Variants in ZNF536 observed in about 807,000 individuals in gnomAD.
The protein encoded by ZNF536 is zinc finger protein 536.
In ZNF536, 13 loss-of-function variants were observed where a neutral mutation model predicts 84.5. The ratio of observed to expected loss-of-function variants is 0.15; its 90% CI spans 0.10 to 0.24. ZNF536 has a LOEUF of 0.24. ZNF536 is among the 10% of genes least tolerant of loss of function. The pLI is 1.00. For synonymous variants in ZNF536, 811 were observed against 742.5 expected (o/e 1.09, Z -1.50); for missense variants, 1,536 against 1,747.5 (o/e 0.88, Z 2.16).
At chr19:30,344,040 G>A (rs1315676937) in intron 2 of ZNF536, among the ~76,000 whole-genome samples, 2 of 152,014 alleles carry the variant, frequency 1.3e-5, no homozygotes, top group East Asian at 3.9e-4. Flanking sequence ...GAGACCCAGG[G>A]AAGGTAGTTG....
At chr19:30,516,760 A>G (rs1340437271) in intron 2 of ZNF536, among the ~76,000 whole-genome samples, 1 of 152,190 alleles carries the variant, frequency 6.6e-6, no homozygotes, top group African/African-American at 2.4e-5. Flanking sequence ...TGTTCAGAAA[A>G]GGTTTAGAGA....
At chr19:30,258,783 T>C (rs1245635582) in intron 1 of ZNF536, among the ~76,000 whole-genome samples, 2 of 152,000 alleles carry the variant, frequency 1.3e-5, no homozygotes, top group Non-Finnish European at 2.9e-5. Flanking sequence ...AGTGGCATGA[T>C]CTCCGTTCAC....
chr19:30,646,875 T>G (rs925291365), intron 1 of ZNF536, among the ~76,000 whole-genome samples: 7 of 152,176 alleles, frequency 4.6e-5, no homozygotes, highest in African/African-American at 1.7e-4. Flanking sequence ...AAAAAATTAA[T>G]TAAAAAAACT....
intron 1 of ZNF536, among the ~76,000 whole-genome samples, chr19:30,262,911 T>C (rs2025302963): frequency 6.6e-6 from 1 of 152,154 alleles, no homozygotes; most frequent in South Asian, 2.1e-4. Context: ...GCAACATGAA[T>C]GGAGAGCCAA....
intron 2 of ZNF536, among the ~76,000 whole-genome samples, chr19:30,294,514 C>A (rs1212281836): frequency 6.6e-6 from 1 of 151,550 alleles, no homozygotes; most frequent in African/African-American, 2.4e-5. Context: ...GGGAATCATT[C>A]ACCAAATTTC....
chr19:30,671,495 C>T (rs1413026347), intron 1 of ZNF536, among the ~76,000 whole-genome samples: 1 of 152,092 alleles, frequency 6.6e-6, no homozygotes, highest in African/African-American at 2.4e-5. Context: ...GCGGCTTCAT[C>T]CAAGTGACTC....
intron 2 of ZNF536, among the ~76,000 whole-genome samples, chr19:30,515,278 T>C (rs12462361): frequency 0.097 from 14,758 of 152,020 alleles, 985 homozygotes; most frequent in Non-Finnish European, 0.15. Context: ...TAACCCAAAA[T>C]ATAACAACAA....
intron 1 of ZNF536, among the ~76,000 whole-genome samples, chr19:30,265,335 G>T (rs893968427): frequency 6.6e-6 from 1 of 152,074 alleles, no homozygotes; most frequent in Non-Finnish European, 1.5e-5. Context: ...CTTAGAAGCC[G>T]CCTGATTTCT....
Position 30,420,769 on chromosome 19 carries a change from C to T in ZNF536, c.-2-22792C>T, listed in dbSNP as rs202048535. Among the ~76,000 whole-genome samples the T allele has an allele frequency of 6.6e-5, 10 of 152,170 alleles. No homozygotes were observed. The East Asian group carries it at 1.9e-3, about 29-fold the overall frequency. On this transcript the variant is annotated intron_variant, in intron 1 of 4. Coordinates refer to ENST00000355537, the MANE Select transcript of ZNF536 (RefSeq NM_014717.3). ...GATTTCACTGATATTTGAAATATTC[C>T]TCTCTTGAAAGGGAAAAACAAGGTA...
At chr19:30,607,065 G>A (rs1599972231) in intron 1 of ZNF536, among the ~76,000 whole-genome samples, 2 of 152,256 alleles carry the variant, frequency 1.3e-5, no homozygotes, top group South Asian at 4.1e-4. Flanking sequence ...GACAGCCCCT[G>A]GCTAAACTGT....
At chr19:30,678,370 G>T (rs955445710) in intron 1 of ZNF536, among the ~76,000 whole-genome samples, 1 of 152,138 alleles carries the variant, frequency 6.6e-6, no homozygotes, top group Non-Finnish European at 1.5e-5. Context: ...CCTGGATATC[G>T]GTGAGAGGCT....
intron 1 of ZNF536, among the ~76,000 whole-genome samples, chr19:30,598,487 T>A (rs1480225479): frequency 6.6e-6 from 1 of 152,174 alleles, no homozygotes; most frequent in African/African-American, 2.4e-5. Flanking sequence ...ATTGTCTAGA[T>A]TATTCAAAAA....
chr19:30,640,496 C>A (rs1444215534), intron 1 of ZNF536, among the ~76,000 whole-genome samples: 1 of 152,190 alleles, frequency 6.6e-6, no homozygotes, highest in Admixed American at 6.5e-5. Context: ...ACACCAAAAT[C>A]TCTGGGGAAG....
intron 2 of ZNF536, among the ~76,000 whole-genome samples, chr19:30,480,287 C>A (rs946703463): frequency 1.3e-5 from 2 of 152,184 alleles, no homozygotes; most frequent in African/African-American, 4.8e-5. Flanking sequence ...CCTCTCCTTG[C>A]AGGGCAGACA....
intron 1 of ZNF536, among the ~76,000 whole-genome samples, chr19:30,649,867 T>C (rs2049632215): frequency 2.0e-5 from 3 of 152,054 alleles, no homozygotes; most frequent in Admixed American, 2.0e-4. Flanking sequence ...TTATACTGGT[T>C]TAATCTGAAA....
At chr19:30,486,890 T>A (rs2054322100) in intron 2 of ZNF536, among the ~76,000 whole-genome samples, 2 of 152,216 alleles carry the variant, frequency 1.3e-5, no homozygotes, top group South Asian at 4.1e-4. Context: ...ATGCTGATAA[T>A]TCACCTAAGG....
At chr19:30,387,786 C>T (rs2049405591) in intron 1 of ZNF536, among the ~76,000 whole-genome samples, 1 of 152,210 alleles carries the variant, frequency 6.6e-6, no homozygotes, top group Admixed American at 6.5e-5. Context: ...AAACTACTTA[C>T]CCTACTGCAC....
intron 2 of ZNF536, among the ~76,000 whole-genome samples, chr19:30,332,307 C>G (rs2047237505): frequency 6.6e-6 from 1 of 152,166 alleles, no homozygotes. Flanking sequence ...CTCTGACCTG[C>G]TCTTCCCAGA....
chr19:30,408,622 T>C (rs1306414821), intron 1 of ZNF536, among the ~76,000 whole-genome samples: 2 of 152,310 alleles, frequency 1.3e-5, no homozygotes, highest in East Asian at 1.9e-4. Flanking sequence ...GGAAGAAGGG[T>C]ATCAAGGTGG....
Sources: gnomAD v4.1 joint callset for allele counts (sites outside exome capture counted in the v4.1 genomes callset) on GRCh38, gnomAD v4.1.1 for gene constraint, MANE v1.5 for transcripts, NCBI Gene and HGNC (gene_info 2026-07-23, HGNC 2026-07-21) for gene names.